The following VEGFC variants were observed in gnomAD, a reference collection of about 807,000 sequenced individuals.
The protein encoded by VEGFC is FLT4 ligand DHM.
In VEGFC, 12 loss-of-function variants were observed where a neutral mutation model predicts 46.1. That is an observed-to-expected ratio of 0.26 (90% CI 0.17 to 0.42). The LOEUF (loss-of-function observed/expected upper bound fraction) is 0.42. Ranked by LOEUF, VEGFC falls within the 10% of genes least tolerant of loss-of-function variation. VEGFC has a pLI of 1.00. For missense variants in VEGFC, 488 were observed against 529.4 expected (o/e 0.92, Z 0.77); for synonymous variants, 232 against 195.5 (o/e 1.19, Z -1.56).
chr4:176,694,383 A>C (rs1286370059), intron 4 of VEGFC, among the ~76,000 whole-genome samples: 1 of 152,232 alleles, frequency 6.6e-6, no homozygotes, highest in African/African-American at 2.4e-5. Flanking sequence ...GAGACAAAAA[A>C]GGCCATTACA....
chr4:176,724,922 G>C (rs1216315621), intron 3 of VEGFC, among the ~76,000 whole-genome samples: 6 of 152,150 alleles, frequency 3.9e-5, no homozygotes, highest in African/African-American at 1.4e-4. Context: ...GAGGGGCAAG[G>C]GTAGGGAGGA....
chr4:176,708,106 C>A (rs1206010390), intron 4 of VEGFC, among the ~76,000 whole-genome samples: 7 of 151,532 alleles, frequency 4.6e-5, no homozygotes, highest in Admixed American at 2.0e-4. Context: ...AATAGTTAAG[C>A]TCTCCAAATA....
chr4:176,683,875 C>T lies in VEGFC; in HGVS notation c.*51G>A. ...CTGTTCACAGACAGTTCTACTGTGG[C>T]AACACAGTTTTCCATAATAGAAAAT... On this transcript the variant is annotated 3_prime_UTR_variant, in exon 7 of 7. Transcript: ENST00000618562. 1 of 1,453,164 alleles carries T rather than the reference C, an allele frequency of 6.9e-7. No individual in the cohort carries two copies. Among genetic ancestry groups the T allele is most frequent in the Middle Eastern group, 1.7e-4 (1 of 5,752 alleles). The allele number at this position is 1,453,164 out of a possible 1,614,324, so 90.0% of individuals were successfully genotyped here. A position where few individuals can be genotyped will look rare whatever the true frequency, so the allele number is the denominator to read the frequency against.
chr4:176,737,383 TTATAA>T (rs36227024), intron 1 of VEGFC, among the ~76,000 whole-genome samples: 13,352 of 147,888 alleles, frequency 0.09, 1,218 homozygotes, highest in African/African-American at 0.23. Context: ...CCAACAAACG[TTATAA>T]TATAATCTCT....
intron 4 of VEGFC, among the ~76,000 whole-genome samples, chr4:176,700,486 C>T (rs1734408739): frequency 6.6e-6 from 1 of 151,868 alleles, no homozygotes; most frequent in Non-Finnish European, 1.5e-5. Flanking sequence ...AGTAATCTGC[C>T]ACATAAAAAA....
At chr4:176,791,339 C>T (rs1011978133) in intron 1 of VEGFC, among the ~76,000 whole-genome samples, 1 of 152,074 alleles carries the variant, frequency 6.6e-6, no homozygotes, top group African/African-American at 2.4e-5. Context: ...TAAAGATATA[C>T]TCTTTTGGAA....
At chr4:176,732,135 T>C (rs1010326181) in intron 1 of VEGFC, among the ~76,000 whole-genome samples, 1 of 151,878 alleles carries the variant, frequency 6.6e-6, no homozygotes, top group Non-Finnish European at 1.5e-5. Context: ...ATTTGCAATA[T>C]ACATAATGGA....
chr4:176,751,920 G>A (rs1383664217), intron 1 of VEGFC, among the ~76,000 whole-genome samples: 2 of 151,586 alleles, frequency 1.3e-5, no homozygotes, highest in African/African-American at 4.8e-5. Context: ...ATGGGTCCCT[G>A]AGGCTTTTAG....
At chr4:176,713,887 C>T (rs1734656461) in intron 3 of VEGFC, among the ~76,000 whole-genome samples, 1 of 152,108 alleles carries the variant, frequency 6.6e-6, no homozygotes, top group South Asian at 2.1e-4. Context: ...CACAGGGCCA[C>T]ATGTCTTCGG....
chr4:176,769,657 G>T (rs1483173970), intron 1 of VEGFC, among the ~76,000 whole-genome samples: 1 of 152,156 alleles, frequency 6.6e-6, no homozygotes, highest in African/African-American at 2.4e-5. Flanking sequence ...ATTCTAACAG[G>T]CCCTGGAGTG....
chr4:176,704,706 A>G (rs534713951), intron 4 of VEGFC, among the ~76,000 whole-genome samples: 1 of 152,202 alleles, frequency 6.6e-6, no homozygotes, highest in Non-Finnish European at 1.5e-5. Flanking sequence ...TGTTCTTTCT[A>G]TAATACAAAA....
At position 176,729,761 on chromosome 4, in the gene VEGFC, T is replaced by C. The variant is rs1734931348; in HGVS notation, c.148-15A>G. ...CTTGCATAAGCCTGTCAAAGAAAAA[T>C]GCAAGATCAATGACTTACCAGCTTA... is the stretch of plus-strand genomic sequence containing the variant. On this transcript the variant is annotated splice_polypyrimidine_tract_variant and intron_variant, in intron 1 of 6. Transcript: ENST00000618562. 3 of 1,556,090 alleles carry C rather than the reference T, an allele frequency of 1.9e-6. No individual in the cohort carries two copies. In the South Asian group the frequency reaches 3.7e-5, roughly 19 times the overall value.
intron 1 of VEGFC, among the ~76,000 whole-genome samples, chr4:176,769,103 C>T (rs1735681200): frequency 6.6e-6 from 1 of 152,120 alleles, no homozygotes; most frequent in Non-Finnish European, 1.5e-5. Context: ...CTCCTTACCC[C>T]TATCACCATG....
At chr4:176,722,879 C>T (rs544311118) in intron 3 of VEGFC, among the ~76,000 whole-genome samples, 6 of 152,186 alleles carry the variant, frequency 3.9e-5, no homozygotes, top group Non-Finnish European at 8.8e-5. Flanking sequence ...TGAGCATACA[C>T]ACCTACCCTT....
At chr4:176,782,467 T>TA (rs988985530) in intron 1 of VEGFC, among the ~76,000 whole-genome samples, 7,041 of 133,248 alleles carry the variant, frequency 0.053, 520 homozygotes, top group African/African-American at 0.18. Flanking sequence ...TGTCTCAAAT[T>TA]AAAAAAAAAA....
chr4:176,710,063 T>C (rs1246471959), intron 4 of VEGFC, among the ~76,000 whole-genome samples: 1 of 152,130 alleles, frequency 6.6e-6, no homozygotes, highest in Non-Finnish European at 1.5e-5. Context: ...AACACTGCCA[T>C]GAATAATGTA....
At position 176,784,779 on chromosome 4, in the gene VEGFC, A is replaced by AAAAAAAAAG. The variant is rs1553998122; in HGVS notation, c.147+7385_147+7386insCTTTTTTTT. 1.5e-4 allele frequency among the ~76,000 whole-genome samples: 15 copies of AAAAAAAAAG among 100,290 alleles called. 4 individuals carry two copies. The highest frequency in any genetic ancestry group is 1.4e-4 in the Admixed American group (1 of 6,924). 65.8% of individuals were successfully genotyped at this position (100,290 alleles called of 152,430 possible). A position where few individuals can be genotyped will look rare whatever the true frequency, so the allele number is the denominator to read the frequency against. On this transcript the variant is annotated intron_variant, in intron 1 of 6. Transcript: ENST00000618562. ...CTCAAAAAAAAAAAAAAAAAAAAAA[A>AAAAAAAAAG]GATAAAGTAACTAAATACACAAAAC...
chr4:176,692,115 C>T (rs941663965), intron 4 of VEGFC, among the ~76,000 whole-genome samples: 1 of 152,090 alleles, frequency 6.6e-6, no homozygotes, highest in Admixed American at 6.5e-5. Context: ...GGCGCACCGG[C>T]CCGGCGCGGT....
At chr4:176,731,306 G>T (rs1734960376) in intron 1 of VEGFC, among the ~76,000 whole-genome samples, 1 of 151,920 alleles carries the variant, frequency 6.6e-6, no homozygotes, top group Non-Finnish European at 1.5e-5. Flanking sequence ...AATCTCAAAA[G>T]GTTACTACTG....
Sources: allele counts gnomAD v4.1 joint callset (sites outside exome capture counted in the v4.1 genomes callset), GRCh38; gene constraint gnomAD v4.1.1; transcripts MANE v1.5; gene names NCBI Gene and HGNC (gene_info 2026-07-23, HGNC 2026-07-21).